FGR: variants seen among roughly 807,000 people sequenced by gnomAD.
The protein encoded by FGR is FGR proto-oncogene, Src family tyrosine kinase.
Under a neutral mutation model 63.2 loss-of-function variants are expected in FGR, and 26 were observed. The ratio of observed to expected loss-of-function variants is 0.41; its 90% CI spans 0.30 to 0.57. The LOEUF (loss-of-function observed/expected upper bound fraction) is 0.57, where lower values mean the gene tolerates loss of function less well. Among genes scored for constraint, FGR ranks in the 20% least tolerant of loss-of-function variants. The probability of loss-of-function intolerance (pLI) is 0.27; values close to 1 mark genes in which losing one functional copy is unlikely to be tolerated. For synonymous variants in FGR, 286 were observed against 277.7 expected, an observed-to-expected ratio of 1.03 and a Z score of -0.30; for missense variants, 511 against 690.8, an observed-to-expected ratio of 0.74 and a Z score of 2.92.
chr1:27,628,516 T>TACACACACACACAC (rs56021900), intron 1 of FGR, among the ~76,000 whole-genome samples: 2 of 91,212 alleles, frequency 2.2e-5, no homozygotes, highest in African/African-American at 8.5e-5. Context: ...CATGTAGGGA[T>TACACACACACACAC]ACACACACAC....
chr1:27,615,307 C>T lies in FGR; in HGVS notation c.1018+127G>A. 1.8e-6 allele frequency: 2 copies of T among 1,139,504 alleles called. No homozygotes were observed. Among genetic ancestry groups the T allele is most frequent in the South Asian group, 1.4e-5 (1 of 71,412 alleles). 70.6% of individuals were successfully genotyped at this position (1,139,504 alleles called of 1,614,324 possible). A position where few individuals can be genotyped will look rare whatever the true frequency, so the allele number is the denominator to read the frequency against. On this transcript the variant is annotated intron_variant, in intron 9 of 12. Coordinates refer to ENST00000374005, the MANE Select transcript of FGR (RefSeq NM_005248.3). This position sits in a 1 kb window ranked among gnomAD's most constrained non-coding sequence, Gnocchi z 7.6. ...TCAGCCCTCCAGTCGTTTTACACAC[C>T]TGGTCCCTTAGTGGGACTCTGCCCA... is the stretch of plus-strand genomic sequence containing the variant.
At chr1:27,633,979 G>A (rs2148533417) in intron 1 of FGR, among the ~76,000 whole-genome samples, 1 of 152,312 alleles carries the variant, frequency 6.6e-6, no homozygotes. Context: ...CAGTCACACA[G>A]CAATTAAGGG....
Position 27,616,789 on chromosome 1 carries a change from G to A in FGR, c.682+68C>T. The A allele has an allele frequency of 2.6e-6, 4 of 1,549,628 alleles. No homozygotes were observed. The South Asian group carries it at 4.5e-5, about 17-fold the overall frequency. On this transcript the variant is annotated intron_variant, in intron 7 of 12. Transcript: ENST00000374005. The surrounding 1 kb of genome is among the most constrained non-coding windows in gnomAD (Gnocchi z 4.3). ...CTTGGTAGTCCCTTCCCTTCTCTGG[G>A]CCTCAGTTCCCCCATCTGGACAATG...
Position 27,621,653 on chromosome 1 carries a change from C to T in FGR, c.334G>A (p.Gly112Ser). 1.2e-6 allele frequency: 2 copies of T among 1,613,456 alleles called. No individual in the cohort carries two copies. The highest frequency in any genetic ancestry group is 2.2e-5 in the South Asian group (2 of 91,074). Residue 112 changes from glycine (G) to serine (S), a missense_variant, in exon 5 of 13, where the codon GGT becomes AGT. By Grantham distance (56) the Gly-to-Ser change is moderately conservative. Transcript: ENST00000374005. The part of the protein sequence containing the change: ...EKFHILNNTE[G>S]DWWEARSLSS... ...AGAGACCGAGCCTCCCACCAGTCAC[C>T]TTCACTGTAGGCACAGAACAGGGCA...
rs571365588 is a variant in FGR at position 27,631,973 on chromosome 1, G to A, written c.-77+3092C>T. Among the ~76,000 whole-genome samples, 324 of 151,884 alleles carry A rather than the reference G, an allele frequency of 2.1e-3. 3 individuals carry two copies. Among genetic ancestry groups the A allele is most frequent in the African/African-American group, 6.7e-3 (277 of 41,420 alleles). On this transcript the variant is annotated intron_variant, in intron 1 of 12. Coordinates refer to ENST00000374005, the MANE Select transcript of FGR (RefSeq NM_005248.3). ...CAGGTGACTCCCATCCCACTGTGCCGCATCTCTCACTAGGCCCTATCCCTC... is the reference window on the plus strand; with the variant it reads ...CAGGTGACTCCCATCCCACTGTGCCACATCTCTCACTAGGCCCTATCCCTC...
In FGR at chr1:27,613,353, G is replaced by A; in HGVS notation, c.1250-3C>T. On this transcript the variant is annotated splice_polypyrimidine_tract_variant and splice_region_variant and intron_variant, in intron 11 of 12. Coordinates refer to ENST00000374005, the MANE Select transcript of FGR (RefSeq NM_005248.3). Reference sequence around the variant, plus strand: ...CCACTTGATGGGGAACTTGGAACCTGGAGAAGATGGGGGAGCAGGGAAAGT... The same window carrying A: ...CCACTTGATGGGGAACTTGGAACCTAGAGAAGATGGGGGAGCAGGGAAAGT... The A allele has an allele frequency of 1.2e-6, 2 of 1,613,690 alleles. No homozygotes were observed. Among genetic ancestry groups the A allele is most frequent in the Non-Finnish European group, 1.7e-6 (2 of 1,179,780 alleles).
chr1:27,620,991 C>CAAAAAAAAAAAAAAAAAAAA (rs59265327), intron 5 of FGR, among the ~76,000 whole-genome samples: 11 of 22,036 alleles, frequency 5.0e-4, no homozygotes, highest in African/African-American at 1.2e-3. Context: ...GACCCTGTCT[C>CAAAAAAAAAAAAAAAAAAAA]AAAAAAAAAA....
rs1571373757 is a variant in FGR at position 27,612,791 on chromosome 1, C to T, written c.*123G>A. 3.4e-6 allele frequency: 3 copies of T among 895,502 alleles called. No homozygotes were observed. The highest frequency in any genetic ancestry group is 3.4e-5 in the African/African-American group (2 of 59,680). The allele number at this position is 895,502 out of a possible 1,614,324, so 55.5% of individuals were successfully genotyped here. On this transcript the variant is annotated 3_prime_UTR_variant, in exon 13 of 13. Coordinates refer to ENST00000374005, the MANE Select transcript of FGR (RefSeq NM_005248.3). ...TTGCCCTAGGTGGTGTCAGAGCAGC[C>T]ACGTCCTCGGTGATGCTAGGACTCT... is the stretch of plus-strand genomic sequence containing the variant.
rs527747409 is a variant in FGR at position 27,622,881 on chromosome 1, C to T, written c.329+161G>A. The stretch of plus-strand genomic sequence containing the variant: ...GGTGCAGTGGCCCAACACCACCCCC[C>T]TCAACCAGCACACAGTTGCAGTCAC... On this transcript the variant is annotated intron_variant, in intron 4 of 12. Transcript: ENST00000374005. Among the ~76,000 whole-genome samples the T allele has an allele frequency of 1.1e-3, 168 of 152,360 alleles. 1 individual carries two copies. The highest frequency in any genetic ancestry group is 3.9e-3 in the African/African-American group (162 of 41,582).
Position 27,612,675 on chromosome 1 carries a change from T to TAA in FGR, c.*237_*238dup, listed in dbSNP as rs941622120. 2 of 527,548 alleles carry TAA rather than the reference T, an allele frequency of 3.8e-6. No homozygotes were observed. The highest frequency in any genetic ancestry group is 1.9e-5 in the African/African-American group (1 of 52,772). 32.7% of individuals were successfully genotyped at this position (527,548 alleles called of 1,614,324 possible). A position where few individuals can be genotyped will look rare whatever the true frequency, so the allele number is the denominator to read the frequency against. On this transcript the variant is annotated 3_prime_UTR_variant, in exon 13 of 13. Coordinates refer to ENST00000374005, the MANE Select transcript of FGR (RefSeq NM_005248.3). ...GAAAGGCTACAGGCATGTAGGGGCC[T>TAA]AAGTGGAAAAGGAAGAAATAGTGCT... is the stretch of plus-strand genomic sequence containing the variant.
rs1222866917 is a variant in FGR, at chr1:27,616,926, T to C, written c.613A>G (p.Met205Val). ...CGTGTGGTGATGTAGTAGCCGCCCA[T>C]GTCCAGTTTGCGGATCTTGTAATGC... ...VKHYKIRKLD[M>V]GGYYITTRVQ... Residue 205 changes from methionine (M) to valine (V), a missense_variant, in exon 7 of 13, where the codon ATG becomes GTG. Physicochemically the swap from Met to Val is conservative, Grantham distance 21. Transcript: ENST00000374005. This position sits in a 1 kb window ranked among gnomAD's most constrained non-coding sequence, Gnocchi z 4.3. 1 of 1,614,232 alleles carries C rather than the reference T, an allele frequency of 6.2e-7. No homozygotes were observed. Among genetic ancestry groups the C allele is most frequent in the African/African-American group, 1.3e-5 (1 of 75,058 alleles).
chr1:27,625,369 C>CA (rs1205498044), intron 1 of FGR, among the ~76,000 whole-genome samples: 1 of 152,192 alleles, frequency 6.6e-6, no homozygotes, highest in Non-Finnish European at 1.5e-5. Flanking sequence ...CACTCATACT[C>CA]ACCTGACCCA....
At chr1:27,628,885 C>T (rs1195209467) in intron 1 of FGR, among the ~76,000 whole-genome samples, 1 of 152,180 alleles carries the variant, frequency 6.6e-6, no homozygotes, top group Non-Finnish European at 1.5e-5. Context: ...TTGATGCAGA[C>T]CAAAGCCCTG....
chr1:27,616,538 T>C lies in FGR; in HGVS notation c.682+319A>G, dbSNP rs2089816066. Among the ~76,000 whole-genome samples the C allele has an allele frequency of 6.6e-6, 1 of 152,264 alleles. No homozygotes were observed. Among genetic ancestry groups the C allele is most frequent in the Non-Finnish European group, 1.5e-5 (1 of 68,044 alleles). ...GGCCCTGTGATGATGGCTCCCTGTC[T>C]GCCCACAGGGCAGTCCTGGTGCCTT... On this transcript the variant is annotated intron_variant, in intron 7 of 12. Coordinates refer to ENST00000374005, the MANE Select transcript of FGR (RefSeq NM_005248.3). The surrounding 1 kb of genome is among the most constrained non-coding windows in gnomAD (Gnocchi z 4.3).
At chr1:27,627,549 C>G (rs2090041669) in intron 1 of FGR, among the ~76,000 whole-genome samples, 1 of 152,098 alleles carries the variant, frequency 6.6e-6, no homozygotes, top group South Asian at 2.1e-4. Flanking sequence ...GCATTAAGCA[C>G]TTTACCTATA....
At position 27,623,776 on chromosome 1, in the gene FGR, A is replaced by T; in HGVS notation, c.141T>A (p.Phe47Leu). Residue 47 changes from phenylalanine to leucine, a missense_variant, in exon 3 of 13, where the codon TTT becomes TTA. Phe to Leu is a conservative substitution (Grantham distance 22). Transcript: ENST00000374005. The stretch of plus-strand genomic sequence containing the variant: ...AGTTGCTGTAGTTGGGGATGTGGGC[A>T]AATGAGGATGCAGGCCGGGCCTTAG... ...DPTKARPASSFAHIPNYSNFS... is the reference protein window; with the variant it reads ...DPTKARPASSLAHIPNYSNFS... 1 of 1,614,266 alleles carries T rather than the reference A, an allele frequency of 6.2e-7. No homozygotes were observed. Among genetic ancestry groups the T allele is most frequent in the Non-Finnish European group, 8.5e-7 (1 of 1,180,048 alleles).
chr1:27,634,461 C>T (rs1374484888), intron 1 of FGR, among the ~76,000 whole-genome samples: 1 of 152,178 alleles, frequency 6.6e-6, no homozygotes. Context: ...CGGTCGCGGC[C>T]GCTAACGTTA....
intron 1 of FGR, among the ~76,000 whole-genome samples, chr1:27,626,782 G>A (rs1232615994): frequency 1.3e-5 from 2 of 152,162 alleles, no homozygotes; most frequent in Non-Finnish European, 2.9e-5. Flanking sequence ...TAGAGCCAGG[G>A]CAGAAAATAG....
chr1:27,615,371 C>A lies in FGR; in HGVS notation c.1018+63G>T, dbSNP rs2089785632. The A allele has an allele frequency of 5.9e-6, 9 of 1,535,456 alleles. No individual in the cohort carries two copies. In the South Asian group the frequency reaches 9.6e-5, roughly 16 times the overall value. On this transcript the variant is annotated intron_variant, in intron 9 of 12. Transcript: ENST00000374005. This position sits in a 1 kb window ranked among gnomAD's most constrained non-coding sequence, Gnocchi z 7.6. ...CTCACAGATCGCGTCCCAGGTCCCACGCCTGAAAACTCCCCTCTTAACTTC... is the reference window on the plus strand; with the variant it reads ...CTCACAGATCGCGTCCCAGGTCCCAAGCCTGAAAACTCCCCTCTTAACTTC...
Sources: gnomAD v4.1 joint callset for allele counts (sites outside exome capture counted in the v4.1 genomes callset) on GRCh38, gnomAD v4.1.1 for gene constraint, Gnocchi (gnomAD v3.1) non-coding constraint, MANE v1.5 for transcripts, NCBI Gene and HGNC (gene_info 2026-07-23, HGNC 2026-07-21) for gene names.